KCNK13: variants seen among roughly 807,000 people sequenced by gnomAD.
KCNK13 encodes potassium two pore domain channel subfamily K member 13, also known as potassium channel subfamily K member 13.
KCNK13 carries 12 observed loss-of-function variants against 23.4 expected under a neutral mutation model. That is an observed-to-expected ratio of 0.51 (90% CI 0.33 to 0.83). The LOEUF (loss-of-function observed/expected upper bound fraction) is 0.83. Ranked by LOEUF, KCNK13 falls within the 40% of genes least tolerant of loss-of-function variation. The probability of loss-of-function intolerance (pLI) is 0.02; values close to 1 mark genes in which losing one functional copy is unlikely to be tolerated. For missense variants in KCNK13, 463 were observed against 556.3 expected, an observed-to-expected ratio of 0.83 and a Z score of 1.69; for synonymous variants, 231 against 229.5, an observed-to-expected ratio of 1.01 and a Z score of -0.06.
At chr14:90,070,429 C>G (rs964923343) in intron 1 of KCNK13, among the ~76,000 whole-genome samples, 2 of 152,158 alleles carry the variant, frequency 1.3e-5, no homozygotes, top group South Asian at 4.1e-4. Flanking sequence ...CTGCTGGGAG[C>G]AGGGGGAATG....
intron 1 of KCNK13, among the ~76,000 whole-genome samples, chr14:90,163,813 C>G (rs1260764122): frequency 2.0e-5 from 3 of 152,186 alleles, no homozygotes; most frequent in Non-Finnish European, 4.4e-5. Flanking sequence ...CCTCTGCCTC[C>G]CGAGTAGCTG....
chr14:90,158,158 C>G (rs576172479), intron 1 of KCNK13, among the ~76,000 whole-genome samples: 4 of 152,210 alleles, frequency 2.6e-5, no homozygotes, highest in Admixed American at 2.6e-4. Context: ...AGGAGCAGAC[C>G]TGTCAATGGC....
At chr14:90,172,873 A>T (rs951616516) in intron 1 of KCNK13, among the ~76,000 whole-genome samples, 1 of 152,216 alleles carries the variant, frequency 6.6e-6, no homozygotes, top group African/African-American at 2.4e-5. Context: ...TTTCAATCAG[A>T]GAAATGAGTG....
chr14:90,123,579 G>T (rs915020051), intron 1 of KCNK13, among the ~76,000 whole-genome samples: 10 of 152,156 alleles, frequency 6.6e-5, no homozygotes, highest in South Asian at 2.1e-4. Context: ...ATAACAGAAG[G>T]CAATAGAATG....
At chr14:90,107,403 G>A (rs1466061294) in intron 1 of KCNK13, among the ~76,000 whole-genome samples, 1 of 152,150 alleles carries the variant, frequency 6.6e-6, no homozygotes, top group Non-Finnish European at 1.5e-5. Context: ...GCGTGAACCT[G>A]GGAGGCAGAA....
intron 1 of KCNK13, among the ~76,000 whole-genome samples, chr14:90,071,274 G>A (rs1282544594): frequency 6.6e-6 from 1 of 152,076 alleles, no homozygotes; most frequent in Non-Finnish European, 1.5e-5. Flanking sequence ...AAGAAGCATG[G>A]TCTGTTAGCC....
intron 1 of KCNK13, among the ~76,000 whole-genome samples, chr14:90,151,320 TA>T (rs1215547590): frequency 6.6e-6 from 1 of 152,212 alleles, no homozygotes; most frequent in African/African-American, 2.4e-5. Context: ...TTGGCAGGAA[TA>T]GCCATCCTAA....
chr14:90,163,113 T>C (rs1890268088), intron 1 of KCNK13, among the ~76,000 whole-genome samples: 1 of 152,222 alleles, frequency 6.6e-6, no homozygotes, highest in African/African-American at 2.4e-5. Context: ...TAATGTCTTA[T>C]TTACTGATAA....
intron 1 of KCNK13, among the ~76,000 whole-genome samples, chr14:90,091,464 T>C (rs1005554280): frequency 6.6e-6 from 1 of 152,220 alleles, no homozygotes; most frequent in Non-Finnish European, 1.5e-5. Flanking sequence ...ATTAAAAATG[T>C]ATCAAGTCCT....
At chr14:90,112,912 G>T (rs905143728) in intron 1 of KCNK13, among the ~76,000 whole-genome samples, 1 of 148,346 alleles carries the variant, frequency 6.7e-6, no homozygotes, top group African/African-American at 2.5e-5. Flanking sequence ...CTGTTGAAAA[G>T]ATTTTTTTTT....
At chr14:90,084,035 T>A (rs1313923945) in intron 1 of KCNK13, among the ~76,000 whole-genome samples, 1 of 152,264 alleles carries the variant, frequency 6.6e-6, no homozygotes, top group Admixed American at 6.5e-5. Flanking sequence ...TTGACCTATC[T>A]GTCTGTCCTT....
intron 1 of KCNK13, among the ~76,000 whole-genome samples, chr14:90,065,678 G>A (rs546812111): frequency 6.6e-6 from 1 of 152,316 alleles, no homozygotes; most frequent in Non-Finnish European, 1.5e-5. Context: ...AGCTGTCTGG[G>A]GAGGATGAGA....
chr14:90,130,234 C>A (rs12880550), intron 1 of KCNK13, among the ~76,000 whole-genome samples: 1 of 150,934 alleles, frequency 6.6e-6, no homozygotes, highest in African/African-American at 2.4e-5. Flanking sequence ...GGGTTTCACT[C>A]TCTCGCCCAG....
At chr14:90,177,024 AT>A (rs1208220402) in intron 1 of KCNK13, among the ~76,000 whole-genome samples, 2 of 152,108 alleles carry the variant, frequency 1.3e-5, no homozygotes, top group Non-Finnish European at 2.9e-5. Context: ...ATCTCAAAAA[AT>A]AAAATAAAAT....
At chr14:90,088,330 A>AAAAT (rs149546330) in intron 1 of KCNK13, among the ~76,000 whole-genome samples, 54 of 147,386 alleles carry the variant, frequency 3.7e-4, no homozygotes, top group South Asian at 2.9e-3. Context: ...AACAAGCTTA[A>AAAAT]AAAGAAAGAA....
At chr14:90,125,623 ACACGCG>A (rs796691918) in intron 1 of KCNK13, among the ~76,000 whole-genome samples, 4 of 83,468 alleles carry the variant, frequency 4.8e-5, no homozygotes, top group South Asian at 4.9e-4. Context: ...ACACACACAC[ACACGCG>A]CACACACACA....
chr14:90,108,035 C>T (rs1889567945), intron 1 of KCNK13: 2 of 649,774 alleles, frequency 3.1e-6, no homozygotes, highest in Non-Finnish European at 5.8e-6. Context: ...TCCTCAAGAG[C>T]TGGATGGCAT....
At chr14:90,097,388 G>A (rs1004640493) in intron 1 of KCNK13, among the ~76,000 whole-genome samples, 1 of 152,066 alleles carries the variant, frequency 6.6e-6, no homozygotes, top group Non-Finnish European at 1.5e-5. Context: ...CAAGGGAACT[G>A]ATCCATTCCC....
intron 1 of KCNK13, among the ~76,000 whole-genome samples, chr14:90,170,746 GC>G (rs1477142102): frequency 1.3e-5 from 2 of 152,178 alleles, no homozygotes; most frequent in Non-Finnish European, 2.9e-5. Context: ...AACAAATGGG[GC>G]AGAGGAAAAA....
Sources: allele counts gnomAD v4.1 joint callset (sites outside exome capture counted in the v4.1 genomes callset), GRCh38; gene constraint gnomAD v4.1.1; transcripts MANE v1.5; gene names NCBI Gene and HGNC (gene_info 2026-07-23, HGNC 2026-07-21).